TRPM3: variants seen among roughly 807,000 people sequenced by gnomAD.
TRPM3 encodes transient receptor potential cation channel subfamily M member 3.
In TRPM3, 77 loss-of-function variants were observed where a neutral mutation model predicts 181.2. The ratio of observed to expected loss-of-function variants is 0.42; its 90% confidence interval spans 0.35 to 0.51. TRPM3 has a LOEUF of 0.51. TRPM3 is among the 20% of genes least tolerant of loss of function. The pLI is 0.01. For synonymous variants in TRPM3, 745 were observed against 796.4 expected (o/e 0.94, Z 1.09); for missense variants, 1,759 against 2,196.7 (o/e 0.80, Z 3.98).
chr9:71,188,010 A>G (rs2077789972), intron 1 of TRPM3, among the ~76,000 whole-genome samples: 1 of 151,938 alleles, frequency 6.6e-6, no homozygotes, highest in African/African-American at 2.4e-5. Flanking sequence ...ATCATAATTT[A>G]TCATTCCTCT....
intron 1 of TRPM3, among the ~76,000 whole-genome samples, chr9:71,363,130 T>C (rs2092217818): frequency 1.3e-5 from 2 of 152,226 alleles, no homozygotes; most frequent in African/African-American, 4.8e-5. Context: ...GCAAAATTTC[T>C]GCAAGTGGGC....
At position 70,639,143 on chromosome 9, in the gene TRPM3, C is replaced by T; in HGVS notation, c.1498G>A (p.Asp500Asn). The part of the protein sequence containing the change: ...MLDALVLDRV[D>N]FVKLLIENGV... The stretch of plus-strand genomic sequence containing the variant: ...TTCTCTATGAGTAATTTCACAAAAT[C>T]CACTCTGTCCAGAACTAAGGCATCC... Residue 500 changes from aspartate to asparagine, a missense_variant, in exon 11 of 26, where the codon GAT (aspartate) becomes AAT (asparagine). Physicochemically the swap from Asp to Asn is conservative, Grantham distance 23. Transcript: ENST00000677713. The T allele has an allele frequency of 6.2e-7, 1 of 1,614,032 alleles. No individual in the cohort carries two copies. Among genetic ancestry groups the T allele is most frequent in the Non-Finnish European group, 8.5e-7 (1 of 1,179,956 alleles).
chr9:70,803,512 G>C (rs2089864880), intron 6 of TRPM3, among the ~76,000 whole-genome samples: 1 of 143,808 alleles, frequency 7.0e-6, no homozygotes. Flanking sequence ...GCAGTGGTGC[G>C]ATCTCGGCTC....
chr9:71,229,508 A>T (rs912318360), intron 1 of TRPM3, among the ~76,000 whole-genome samples: 2 of 152,308 alleles, frequency 1.3e-5, no homozygotes, highest in East Asian at 3.9e-4. Context: ...GAAATAATCC[A>T]CAAAATGAAG....
chr9:71,011,246 T>C (rs2160829), intron 1 of TRPM3, among the ~76,000 whole-genome samples: 6,607 of 152,124 alleles, frequency 0.043, 231 homozygotes, highest in African/African-American at 0.093. Flanking sequence ...AGGGTAACTA[T>C]AGCAAATAAC....
intron 1 of TRPM3, among the ~76,000 whole-genome samples, chr9:71,282,330 AAGAG>A (rs1429373800): frequency 1.6e-4 from 20 of 122,844 alleles, no homozygotes; most frequent in African/African-American, 6.4e-4. Flanking sequence ...AAAGGAAAGA[AAGAG>A]AGAAAGAAAG....
At chr9:70,793,232 T>G (rs528727112) in intron 6 of TRPM3, among the ~76,000 whole-genome samples, 2 of 152,042 alleles carry the variant, frequency 1.3e-5, no homozygotes, top group Admixed American at 1.3e-4. Context: ...GGCGGGAGGA[T>G]CATTTGAGCC....
intron 9 of TRPM3, among the ~76,000 whole-genome samples, chr9:70,645,870 TAAAC>T (rs1240145129): frequency 6.6e-6 from 1 of 152,050 alleles, no homozygotes; most frequent in Admixed American, 6.6e-5. Context: ...ATAAGGAACT[TAAAC>T]AAATTTACAA....
intron 9 of TRPM3, among the ~76,000 whole-genome samples, chr9:70,673,125 C>T (rs548926940): frequency 2.0e-5 from 3 of 152,214 alleles, no homozygotes; most frequent in Admixed American, 6.5e-5. Context: ...CTTTCACACT[C>T]TTTGGTTTCA....
chr9:71,177,025 C>T (rs1192880645), intron 1 of TRPM3, among the ~76,000 whole-genome samples: 2 of 152,072 alleles, frequency 1.3e-5, no homozygotes, highest in Admixed American at 6.6e-5. Flanking sequence ...TTACAGCCAC[C>T]TCCCATCACT....
intron 9 of TRPM3, among the ~76,000 whole-genome samples, chr9:70,667,221 C>T (rs917646453): frequency 1.6e-4 from 25 of 152,092 alleles, no homozygotes; most frequent in African/African-American, 5.3e-4. Flanking sequence ...CCCCCGAGAA[C>T]ATAAGTGGAA....
At chr9:71,050,956 T>C (rs1002575362) in intron 1 of TRPM3, among the ~76,000 whole-genome samples, 32 of 152,210 alleles carry the variant, frequency 2.1e-4, no homozygotes, top group African/African-American at 7.0e-4. Context: ...AAGGAAGACG[T>C]TGACTTTGGC....
intron 1 of TRPM3, among the ~76,000 whole-genome samples, chr9:71,331,872 A>G (rs1588527649): frequency 1.4e-3 from 1 of 716 alleles, no homozygotes; most frequent in Non-Finnish European, 2.5e-3. Context: ...GAGGAGGAGG[A>G]AGAAAGAGGA....
chr9:71,385,912 G>A (rs2092912305), intron 1 of TRPM3, among the ~76,000 whole-genome samples: 1 of 151,510 alleles, frequency 6.6e-6, no homozygotes, highest in African/African-American at 2.4e-5. Flanking sequence ...TCACCATGTT[G>A]GCCAGGCTGG....
Position 70,846,432 on chromosome 9 carries a change from T to C in TRPM3, c.622A>G (p.Ile208Val). Residue 208 changes from isoleucine to valine, a missense_variant, in exon 4 of 26, where the codon ATC (isoleucine) becomes GTC (valine). Physicochemically the swap from Ile to Val is conservative, Grantham distance 29. Coordinates refer to ENST00000677713, the MANE Select transcript of TRPM3 (RefSeq NM_001366145.2). ...GCTCCAGTTGTCATTGCTGCTTTGATGAGCCCTTTCCCAAAGACTTGCTTG... is the reference window on the plus strand; with the variant it reads ...GCTCCAGTTGTCATTGCTGCTTTGACGAGCCCTTTCCCAAAGACTTGCTTG... ...KLKQVFGKGL[I>V]KAAMTTGAWI... 3 of 1,614,210 alleles carry C rather than the reference T, an allele frequency of 1.9e-6. No individual in the cohort carries two copies. The highest frequency in any genetic ancestry group is 2.2e-5 in the East Asian group (1 of 44,882).
chr9:70,993,759 T>C (rs1228301566), intron 1 of TRPM3, among the ~76,000 whole-genome samples: 1 of 122,782 alleles, frequency 8.1e-6, no homozygotes, highest in African/African-American at 3.3e-5. Flanking sequence ...CACTCTGGCC[T>C]GGGCGACAGA....
intron 8 of TRPM3, among the ~76,000 whole-genome samples, chr9:70,755,909 G>T (rs1297235563): frequency 6.6e-6 from 1 of 152,106 alleles, no homozygotes. Context: ...TGAAGAAACT[G>T]CATTAACTAA....
intron 18 of TRPM3, 135 bp downstream of exon 18, chr9:70,615,773 C>G (rs1292902956): frequency 2.3e-6 from 2 of 856,912 alleles, no homozygotes; most frequent in Non-Finnish European, 3.6e-6. Flanking sequence ...GAAATGAAAG[C>G]ACTCCATGAT....
At chr9:70,920,631 A>C (rs1422660817) in intron 1 of TRPM3, among the ~76,000 whole-genome samples, 1 of 152,202 alleles carries the variant, frequency 6.6e-6, no homozygotes, top group African/African-American at 2.4e-5. Flanking sequence ...GATTAAGAGG[A>C]AATCACATGA....
Sources: gnomAD v4.1 joint callset for allele counts (sites outside exome capture counted in the v4.1 genomes callset) on GRCh38, gnomAD v4.1.1 for gene constraint, MANE v1.5 for transcripts, NCBI Gene and HGNC (gene_info 2026-07-23, HGNC 2026-07-21) for gene names.